Variants in ABLIM3 observed in about 807,000 individuals in gnomAD.
The protein encoded by ABLIM3 is actin binding LIM protein family member 3.
In ABLIM3, 61 loss-of-function variants were observed where a neutral mutation model predicts 109.5. The ratio of observed to expected loss-of-function variants is 0.56; its 90% CI spans 0.45 to 0.69. The LOEUF (loss-of-function observed/expected upper bound fraction) is 0.69, where lower values mean the gene tolerates loss of function less well. Ranked by LOEUF, ABLIM3 falls within the 30% of genes least tolerant of loss-of-function variation. The pLI is 0.00. For synonymous variants in ABLIM3, 300 were observed against 324.8 expected (o/e 0.92, Z 0.82); for missense variants, 796 against 889.5 (o/e 0.89, Z 1.34).
At chr5:149,249,716 G>A (rs1338241897) in intron 18 of ABLIM3, 99 bp from the exon 19 acceptor site, 1 of 1,449,606 alleles carries the variant, frequency 6.9e-7, no homozygotes, top group Non-Finnish European at 9.7e-7. Context: ...CAGCCAGGGG[G>A]ATCGGGTATG....
intron 2 of ABLIM3, among the ~76,000 whole-genome samples, chr5:149,145,854 T>C (rs992810643): frequency 5.7e-4 from 87 of 151,956 alleles, no homozygotes; most frequent in African/African-American, 2.1e-3. Context: ...GTAACAAACA[T>C]GGAACACTGT....
In ABLIM3 at chr5:149,252,786, T is replaced by C; in HGVS notation, c.1887T>C (p.Thr629=). 1.9e-6 allele frequency: 3 copies of C among 1,613,322 alleles called. No homozygotes were observed. Among genetic ancestry groups the C allele is most frequent in the Non-Finnish European group, 2.5e-6 (3 of 1,179,486 alleles). Reference sequence around the variant, plus strand: ...ACCCTTATGAACTGCTGCTGGTGACTACAAGAGGAAGAAACCGACTGCCCA... The same window carrying C: ...ACCCTTATGAACTGCTGCTGGTGACCACAAGAGGAAGAAACCGACTGCCCA... The part of the protein sequence containing the change: ...KIYPYELLLV[T]TRGRNRLPKD... The change falls in exon 23 of 24, where the codon ACT becomes ACC. Residue 629 remains threonine (T), a synonymous_variant. Coordinates refer to ENST00000309868, the MANE Select transcript of ABLIM3 (RefSeq NM_014945.5).
intron 2 of ABLIM3, among the ~76,000 whole-genome samples, chr5:149,181,745 T>G (rs916520697): frequency 6.6e-6 from 1 of 152,220 alleles, no homozygotes; most frequent in African/African-American, 2.4e-5. Context: ...TGAACAAAAC[T>G]ACAAGATAAT....
At chr5:149,252,276 G>A (rs376464580) in intron 22 of ABLIM3, 68 bp downstream of exon 22, 2 of 1,565,346 alleles carry the variant, frequency 1.3e-6, no homozygotes, top group Non-Finnish European at 1.8e-6. Flanking sequence ...GGATCACCAG[G>A]AGGATGACAG....
intron 7 of ABLIM3, among the ~76,000 whole-genome samples, chr5:149,215,682 A>T (rs967722428): frequency 6.6e-6 from 1 of 152,034 alleles, no homozygotes; most frequent in African/African-American, 2.4e-5. Flanking sequence ...CCTGGGCATT[A>T]CCCTCCCCCA....
At chr5:149,217,706 G>A (rs1760237619) in intron 8 of ABLIM3, 1 of 152,424 alleles carries the variant, frequency 6.6e-6, no homozygotes, top group African/African-American at 2.4e-5. Flanking sequence ...GCTCTTCAGA[G>A]CCCCTCCCTG....
At chr5:149,245,211 C>A (rs550522952) in intron 16 of ABLIM3, among the ~76,000 whole-genome samples, 196 bp downstream of exon 16, 6 of 152,302 alleles carry the variant, frequency 3.9e-5, no homozygotes, top group African/African-American at 1.4e-4. Context: ...CACTGGGGAG[C>A]AAAACAGACC....
chr5:149,181,569 G>C (rs994000018), intron 2 of ABLIM3, among the ~76,000 whole-genome samples: 5 of 152,186 alleles, frequency 3.3e-5, no homozygotes, highest in Admixed American at 6.5e-5. Context: ...AAAGTTGTCA[G>C]AAGCCAGTTT....
rs745479999 is a variant in ABLIM3 at position 149,152,878 on chromosome 5, C to T, written c.13+10770C>T. The stretch of plus-strand genomic sequence containing the variant: ...CTTTCCTCTGTCATTATAGAGTCCT[C>T]CTGCTTGAGAAAGTAGATCATGCCA... On this transcript the variant is annotated intron_variant, in intron 2 of 23. Coordinates refer to ENST00000309868, the MANE Select transcript of ABLIM3 (RefSeq NM_014945.5). 2.6e-5 allele frequency among the ~76,000 whole-genome samples: 4 copies of T among 152,034 alleles called. No homozygotes were observed. In the South Asian group the frequency reaches 6.2e-4, roughly 24 times the overall value.
chr5:149,190,971 G>A (rs1235627894), intron 3 of ABLIM3, among the ~76,000 whole-genome samples: 4 of 152,150 alleles, frequency 2.6e-5, no homozygotes, highest in African/African-American at 9.7e-5. Flanking sequence ...AGAGGAAAAT[G>A]TGTAGCCTTA....
intron 2 of ABLIM3, among the ~76,000 whole-genome samples, chr5:149,144,553 T>C (rs1752753259): frequency 1.3e-5 from 2 of 152,190 alleles, no homozygotes; most frequent in African/African-American, 4.8e-5. Context: ...TTCTTTCACT[T>C]CTATTTATTT....
At position 149,141,920 on chromosome 5, in the gene ABLIM3, G is replaced by A. The variant is rs1250250304; in HGVS notation, c.-87-89G>A. ...AGTCCACGCGCCTTCAAGGCCAGGG[G>A]CTACAGCCCAGACAGAGAGGGGACA... On this transcript the variant is annotated intron_variant, in intron 1 of 23. Transcript: ENST00000309868. The A allele has an allele frequency of 6.4e-6, 6 of 930,324 alleles. No individual in the cohort carries two copies. In the East Asian group the frequency reaches 7.3e-5, roughly 11 times the overall value. The allele number at this position is 930,324 out of a possible 1,614,324, so 57.6% of individuals were successfully genotyped here. A position where few individuals can be genotyped will look rare whatever the true frequency, so the allele number is the denominator to read the frequency against.
At chr5:149,160,979 C>G (rs564360323) in intron 2 of ABLIM3, among the ~76,000 whole-genome samples, 1 of 152,234 alleles carries the variant, frequency 6.6e-6, no homozygotes, top group Non-Finnish European at 1.5e-5. Context: ...CTCGGCCAGC[C>G]ATGGGGCTTC....
At chr5:149,248,738 G>T (rs1260158918) in intron 18 of ABLIM3, among the ~76,000 whole-genome samples, 1 of 150,490 alleles carries the variant, frequency 6.6e-6, no homozygotes, top group African/African-American at 2.4e-5. Context: ...CATCGGAATG[G>T]CTCAAAGATG....
At chr5:149,158,657 A>T (rs755191276) in intron 2 of ABLIM3, among the ~76,000 whole-genome samples, 129 of 152,318 alleles carry the variant, frequency 8.5e-4, no homozygotes, top group Non-Finnish European at 1.4e-3. Context: ...AATACACTAA[A>T]ATTAATCCAG....
rs752862872 is a variant in ABLIM3, at chr5:149,239,851, C to G, written c.1167C>G (p.Pro389=). ...SPTYSRQGMS[P]TFSRSPHHYY... is the part of the protein sequence containing the mutation. ...CCTACAGCCGGCAGGGCATGTCCCC[C>G]ACCTTCTCCCGCTCACCTCACCACT... The change falls in exon 13 of 24, where the codon CCC becomes CCG. Residue 389 remains proline (P), a synonymous_variant. Coordinates refer to ENST00000309868, the MANE Select transcript of ABLIM3 (RefSeq NM_014945.5). The G allele has an allele frequency of 6.2e-7, 1 of 1,610,570 alleles. No homozygotes were observed. The highest frequency in any genetic ancestry group is 2.3e-5 in the East Asian group (1 of 44,370).
intron 3 of ABLIM3, among the ~76,000 whole-genome samples, chr5:149,194,932 A>G (rs1757811184): frequency 6.6e-6 from 1 of 152,196 alleles, no homozygotes; most frequent in African/African-American, 2.4e-5. Context: ...TCTTTAAACC[A>G]TACATACATA....
Position 149,240,767 on chromosome 5 carries a change from C to A in ABLIM3, c.1296C>A (p.His432Gln), listed in dbSNP as rs769095059. ...CTTACCAGGCTCCCAAGCACTTTCA[C>A]ATCCCAGGTAGGCACTGCCAGCCCA... ...PTSYQAPKHFHIPAGDSNIYR... is the reference protein window; with the variant it reads ...PTSYQAPKHFQIPAGDSNIYR... Residue 432 changes from histidine (H) to glutamine (Q), a missense_variant, in exon 14 of 24, where the codon CAC (histidine) becomes CAA (glutamine). His to Gln is a conservative substitution (Grantham distance 24). Coordinates refer to ENST00000309868, the MANE Select transcript of ABLIM3 (RefSeq NM_014945.5). 1.2e-6 allele frequency: 2 copies of A among 1,614,090 alleles called. No homozygotes were observed. The highest frequency in any genetic ancestry group is 1.7e-6 in the Non-Finnish European group (2 of 1,179,984).
intron 2 of ABLIM3, among the ~76,000 whole-genome samples, chr5:149,161,172 G>A (rs1029627711): frequency 6.6e-6 from 1 of 152,172 alleles, no homozygotes; most frequent in Non-Finnish European, 1.5e-5. Flanking sequence ...ATCTGCCCGC[G>A]GGAGCTCTCT....
Sources: allele counts gnomAD v4.1 joint callset (sites outside exome capture counted in the v4.1 genomes callset), GRCh38; gene constraint gnomAD v4.1.1; transcripts MANE v1.5; gene names NCBI Gene and HGNC (gene_info 2026-07-23, HGNC 2026-07-21).